KYAT3: variants seen among roughly 807,000 people sequenced by gnomAD.
KYAT3 encodes the protein kynurenine--oxoglutarate transaminase 3.
A neutral mutation model predicts 59.0 loss-of-function variants in KYAT3; 50 were observed. The observed-to-expected ratio is 0.85, with a 90% CI of 0.68 to 1.07. KYAT3 has a LOEUF of 1.07. Among genes scored for constraint, KYAT3 ranks in the 50% least tolerant of loss-of-function variants. The pLI is 0.00. For synonymous variants in KYAT3, 148 were observed against 177.0 expected (o/e 0.84, Z 1.30); for missense variants, 497 against 533.3 (o/e 0.93, Z 0.67).
intron 11 of KYAT3, among the ~76,000 whole-genome samples, chr1:88,946,591 AAAT>A (rs1242388335): frequency 6.6e-6 from 1 of 152,242 alleles, no homozygotes; most frequent in Non-Finnish European, 1.5e-5. Flanking sequence ...TCTTTTAAAA[AAAT>A]AATAATTCAT....
At chr1:88,975,868 C>T (rs1267195253) in intron 2 of KYAT3, among the ~76,000 whole-genome samples, 1 of 151,836 alleles carries the variant, frequency 6.6e-6, no homozygotes. Context: ...AACCCCGTCT[C>T]TACTAAAAAT....
intron 10 of KYAT3, among the ~76,000 whole-genome samples, chr1:88,950,957 A>G (rs1384767285): frequency 1.3e-5 from 2 of 152,022 alleles, no homozygotes; most frequent in Admixed American, 6.6e-5. Context: ...CAATCATTCC[A>G]TTCCAGTCTC....
chr1:88,925,708 G>GGAGAGACAGAGGAGA, the KYAT3 span, among the ~76,000 whole-genome samples: 2 of 150,808 alleles, frequency 1.3e-5, no homozygotes, highest in Admixed American at 6.6e-5. Flanking sequence ...GAGAGATGGA[G>GGAGAGACAGAGGAGA]GAGAGACAGA....
In KYAT3 at chr1:88,961,510, A is replaced by C. The variant is rs760162477; in HGVS notation, c.541-4T>G. ...ATCTTTTTCCATAAACAGGTTTCTA[A>C]GCATGAAGAATGAAGATATAATTTA... On this transcript the variant is annotated splice_polypyrimidine_tract_variant and splice_region_variant and intron_variant, in intron 6 of 13. Transcript: ENST00000260508. The C allele has an allele frequency of 6.8e-6, 11 of 1,607,402 alleles. No homozygotes were observed. In the East Asian group the frequency reaches 2.5e-4, roughly 36 times the overall value.
At chr1:88,986,142 T>C (rs374356874) in intron 2 of KYAT3, among the ~76,000 whole-genome samples, 5 of 149,940 alleles carry the variant, frequency 3.3e-5, no homozygotes, top group South Asian at 2.1e-4. Flanking sequence ...GATTGCGCCA[T>C]TGCACTCCAG....
intron 10 of KYAT3, among the ~76,000 whole-genome samples, chr1:88,950,528 A>C (rs1282003576): frequency 6.6e-6 from 1 of 150,614 alleles, no homozygotes; most frequent in Non-Finnish European, 1.5e-5. Flanking sequence ...CAACTTGTTC[A>C]TTTACTATAG....
At position 88,992,628 on chromosome 1, in the gene KYAT3, C is replaced by G. The variant is rs114420270; in HGVS notation, c.-45G>C. 3,016 of 152,848 alleles carry G rather than the reference C, an allele frequency of 0.02. 112 individuals carry two copies. The highest frequency in any genetic ancestry group is 0.068 in the African/African-American group (2,816 of 41,574). 9.5% of individuals were successfully genotyped at this position (152,848 alleles called of 1,614,324 possible). A position where few individuals can be genotyped will look rare whatever the true frequency, so the allele number is the denominator to read the frequency against. On this transcript the variant is annotated 5_prime_UTR_variant, in exon 1 of 14. Transcript: ENST00000260508. ...TCGCCTCCCTAGGCTCGAGTCCCGA[C>G]TGGGCTTGAGGGCCCGGCTGGGCGG... is the stretch of plus-strand genomic sequence containing the variant.
intron 10 of KYAT3, among the ~76,000 whole-genome samples, chr1:88,950,565 T>G (rs1675628432): frequency 6.6e-6 from 1 of 152,080 alleles, no homozygotes; most frequent in Non-Finnish European, 1.5e-5. Flanking sequence ...AAATTCCAAG[T>G]ATAAGGAGAC....
At chr1:88,962,014 T>C (rs1302565864) in intron 6 of KYAT3, 45 bp downstream of exon 6, 1 of 1,348,486 alleles carries the variant, frequency 7.4e-7, no homozygotes, top group Non-Finnish European at 1.1e-6. Flanking sequence ...TCAAGACTTC[T>C]TAAGTCTTGA....
chr1:88,979,161 C>G (rs1676948738), intron 2 of KYAT3, among the ~76,000 whole-genome samples: 1 of 152,292 alleles, frequency 6.6e-6, no homozygotes, highest in African/African-American at 2.4e-5. Context: ...AGAGGTCCAG[C>G]CAGACTGAAT....
In KYAT3 at chr1:88,964,980, T is replaced by C. The variant is rs377428446; in HGVS notation, c.304-2A>G. 1 of 1,593,184 alleles carries C rather than the reference T, an allele frequency of 6.3e-7. No homozygotes were observed. The highest frequency in any genetic ancestry group is 8.5e-7 in the Non-Finnish European group (1 of 1,175,472). On this transcript the variant is annotated splice_acceptor_variant, in intron 4 of 13. Transcript: ENST00000260508. LOFTEE classifies it high-confidence loss of function. ...AGCTTTCACAAGTGATGGATGGCCC[T>C]GTTGGATTAAAAATAAGAACAAAAC...
intron 5 of KYAT3, among the ~76,000 whole-genome samples, chr1:88,964,274 T>C (rs1404913736): frequency 2.0e-5 from 3 of 152,140 alleles, no homozygotes; most frequent in African/African-American, 2.4e-5. Context: ...CACAAAGACA[T>C]TGATCAAAAA....
At chr1:88,949,557 CAA>C (rs1337890516) in intron 10 of KYAT3, among the ~76,000 whole-genome samples, 2 of 152,130 alleles carry the variant, frequency 1.3e-5, no homozygotes, top group Non-Finnish European at 1.5e-5. Flanking sequence ...TGCTTGGAAA[CAA>C]AAAGACATTA....
chr1:88,945,142 C>T (rs2101021004), intron 11 of KYAT3, among the ~76,000 whole-genome samples: 1 of 148,902 alleles, frequency 6.7e-6, no homozygotes, highest in South Asian at 2.1e-4. Flanking sequence ...TGGTACCCTG[C>T]CAGAAAAAAG....
At chr1:88,970,062 T>C (rs1482389538) in intron 2 of KYAT3, among the ~76,000 whole-genome samples, 1 of 152,218 alleles carries the variant, frequency 6.6e-6, no homozygotes, top group African/African-American at 2.4e-5. Context: ...GCTTGTAATG[T>C]AGTAAAGAGA....
At chr1:88,990,493 A>C (rs1570861166) in intron 1 of KYAT3, among the ~76,000 whole-genome samples, 2 of 152,290 alleles carry the variant, frequency 1.3e-5, no homozygotes, top group South Asian at 2.1e-4. Flanking sequence ...TCACTTTCCT[A>C]GAGCTCTCTG....
the KYAT3 span, among the ~76,000 whole-genome samples, chr1:88,924,557 G>A: frequency 3.3e-5 from 5 of 152,214 alleles, no homozygotes; most frequent in South Asian, 2.1e-4. Flanking sequence ...CCCTCCCTTC[G>A]TATGAGAGCT....
intron 2 of KYAT3, among the ~76,000 whole-genome samples, chr1:88,986,877 A>AT (rs1677488519): frequency 6.6e-6 from 1 of 152,154 alleles, no homozygotes. Context: ...TAGGAAGAAT[A>AT]TTTATCTTTA....
chr1:88,992,074 G>A (rs1169311629), intron 1 of KYAT3, among the ~76,000 whole-genome samples: 2 of 151,380 alleles, frequency 1.3e-5, no homozygotes, highest in African/African-American at 4.8e-5. Context: ...CGCCTCCCGG[G>A]TTCACGCCAT....
Sources: gnomAD v4.1 joint callset for allele counts (sites outside exome capture counted in the v4.1 genomes callset) on GRCh38, gnomAD v4.1.1 for gene constraint, MANE v1.5 for transcripts, NCBI Gene and HGNC (gene_info 2026-07-23, HGNC 2026-07-21) for gene names.